Variants in NEB observed in about 807,000 individuals in gnomAD.
NEB encodes the protein nebulin, also known as nemaline myopathy type 2.
In NEB, 512 loss-of-function variants were observed where a neutral mutation model predicts 952.2. That is an observed-to-expected ratio of 0.54 (90% CI 0.50 to 0.58). The LOEUF (loss-of-function observed/expected upper bound fraction) is 0.58. Ranked by LOEUF, NEB falls within the 20% of genes least tolerant of loss-of-function variation. NEB has a pLI of 0.00. For missense variants in NEB, 8,428 were observed against 9,231.1 expected, an observed-to-expected ratio of 0.91 and a Z score of 3.56; for synonymous variants, 2,900 against 3,149.8, an observed-to-expected ratio of 0.92 and a Z score of 2.66.
chr2:151,691,917 G>C lies in NEB; in HGVS notation c.2158C>G (p.Gln720Glu). The C allele has an allele frequency of 6.2e-7, 1 of 1,607,802 alleles. No individual in the cohort carries two copies. Among genetic ancestry groups the C allele is most frequent in the Non-Finnish European group, 8.5e-7 (1 of 1,176,280 alleles). The stretch of plus-strand genomic sequence containing the variant: ...GCTTCATATTCTTGTGTTATTGTCT[G>C]AGGGAAATAGCATTTTCCTTTATCT... Reference protein sequence around the residue: ...EEDKGKCYFPQTITQEYEAIK... With the variant: ...EEDKGKCYFPETITQEYEAIK... The change falls in exon 23 of 182, where the codon CAG becomes GAG. Residue 720 changes from glutamine to glutamate, a missense_variant. This residue lies in a region of NEB where 2,851 missense variants were observed against 2,791.5 expected (regional missense o/e 1.02). Transcript: ENST00000397345.
chr2:151,529,754 C>T (rs1343134269), intron 145 of NEB, among the ~76,000 whole-genome samples: 1 of 152,132 alleles, frequency 6.6e-6, no homozygotes, highest in Non-Finnish European at 1.5e-5. Context: ...GTCTCGAACT[C>T]GTGACCTCAG....
chr2:151,672,785 A>G lies in NEB; in HGVS notation c.3988-105T>C, dbSNP rs80039460. The G allele has an allele frequency of 3.5e-4, 395 of 1,116,092 alleles. 2 individuals are homozygous for G. In the African/African-American group the frequency reaches 5.8e-3, roughly 16 times the overall value. 69.1% of individuals were successfully genotyped at this position (1,116,092 alleles called of 1,614,324 possible). A position where few individuals can be genotyped will look rare whatever the true frequency, so the allele number is the denominator to read the frequency against. ...CTCAGAGCTTTGTGACTTTCTCAAGAGTGTACAAAAAATGCAAACCACAAC... is the reference window on the plus strand; with the variant it reads ...CTCAGAGCTTTGTGACTTTCTCAAGGGTGTACAAAAAATGCAAACCACAAC... On this transcript the variant is annotated intron_variant, in intron 36 of 181. Coordinates refer to ENST00000397345, the MANE Select transcript of NEB (RefSeq NM_001164508.2).
chr2:151,546,642 TC>T (rs2094742192), intron 133 of NEB, among the ~76,000 whole-genome samples, 199 bp from the exon 134 acceptor site: 1 of 148,056 alleles, frequency 6.8e-6, no homozygotes, highest in African/African-American at 2.5e-5. Context: ...GACTGCAACC[TC>T]CGCCTCCCGA....
intron 75 of NEB, 21 bp downstream of exon 75, chr2:151,617,343 C>A (rs899946648): frequency 2.0e-6 from 3 of 1,496,052 alleles, no homozygotes; most frequent in Non-Finnish European, 1.8e-6. Context: ...CTGTTCATTA[C>A]AAGATCAACA....
chr2:151,490,068 T>C lies in NEB; in HGVS notation c.25307A>G (p.His8436Arg). The part of the protein sequence containing the change: ...GVFAVSTAYK[H>R]AKTTELPQQR... ...TTGTGGGAGCTCTGTGGTTTTTGCA[T>C]GTTTGTAAGCTGAAAAAAAGGGGGC... The change falls in exon 181 of 182, where the codon CAT becomes CGT. Residue 8436 changes from histidine (H) to arginine (R), a missense_variant. Around this residue, in one of 11 missense-constraint regions of NEB, gnomAD observed 3,374 missense variants for 3,651.5 expected, o/e 0.92. Transcript: ENST00000397345. 2 of 1,608,758 alleles carry C rather than the reference T, an allele frequency of 1.2e-6. No individual in the cohort carries two copies. Among genetic ancestry groups the C allele is most frequent in the South Asian group, 1.1e-5 (1 of 89,726 alleles).
In NEB at chr2:151,677,764, T is replaced by A. The variant is rs1350245456; in HGVS notation, c.3575A>T (p.Tyr1192Phe). Residue 1192 changes from tyrosine to phenylalanine, a missense_variant, in exon 34 of 182, where the codon TAC becomes TTC. This residue lies in a region of NEB where 2,851 missense variants were observed against 2,791.5 expected (regional missense o/e 1.02). Transcript: ENST00000397345. Reference sequence around the variant, plus strand: ...CATCCAGTTGTTGTAGTCTTCCTTGTAGACGTTCTACAGCAATGGAGAAAA... The same window carrying A: ...CATCCAGTTGTTGTAGTCTTCCTTGAAGACGTTCTACAGCAATGGAGAAAA... ...NMMQIQSDNVYKEDYNNWMKG... is the reference protein window; with the variant it reads ...NMMQIQSDNVFKEDYNNWMKG... 6.2e-7 allele frequency: 1 copy of A among 1,613,860 alleles called. No individual in the cohort carries two copies. Among genetic ancestry groups the A allele is most frequent in the African/African-American group, 1.3e-5 (1 of 74,924 alleles).
intron 60 of NEB, among the ~76,000 whole-genome samples, chr2:151,642,370 G>A (rs1228901707): frequency 6.6e-6 from 1 of 152,174 alleles, no homozygotes; most frequent in Non-Finnish European, 1.5e-5. Context: ...GTTTTGAAAT[G>A]CATGTTGCTA....
intron 5 of NEB, among the ~76,000 whole-genome samples, chr2:151,726,889 T>A (rs2099792795): frequency 1.7e-5 from 2 of 120,732 alleles, no homozygotes; most frequent in South Asian, 4.9e-4. Flanking sequence ...GATCCTACAA[T>A]TTTTTTTTTA....
intron 181 of NEB, among the ~76,000 whole-genome samples, chr2:151,489,107 GA>G (rs2053851383): frequency 6.6e-6 from 1 of 152,080 alleles, no homozygotes; most frequent in African/African-American, 2.4e-5. Flanking sequence ...TTATTTCAGG[GA>G]AAATTAGAAC....
Position 151,489,983 on chromosome 2 carries a change from TGGATG to T in NEB, c.25387_25391del (p.His8463IlefsTer12). 1 of 1,598,278 alleles carries T rather than the reference TGGATG, an allele frequency of 6.3e-7. No individual in the cohort carries two copies. ...GTTATTCACTTACTCCAGCAGTAGA[TGGATG>T]AGATGGGATGGAAGATACCGTTGTC... On this transcript the variant is annotated frameshift_variant, in exon 181 of 182. Coordinates refer to ENST00000397345, the MANE Select transcript of NEB (RefSeq NM_001164508.2). LOFTEE classifies it high-confidence loss of function.
Position 151,493,791 on chromosome 2 carries a change from T to G in NEB, c.24656A>C (p.Gln8219Pro). 1 of 1,579,964 alleles carries G rather than the reference T, an allele frequency of 6.3e-7. No individual in the cohort carries two copies. ...TPEMERVKRN[Q>P]ENFSSVLYKE... ...CTAAAATACCGAGCTAAAGTTTTCTTGATTGCGTTTCACTCTTTCCATCTC... is the reference window on the plus strand; with the variant it reads ...CTAAAATACCGAGCTAAAGTTTTCTGGATTGCGTTTCACTCTTTCCATCTC... Residue 8219 changes from glutamine (Q) to proline (P), a missense_variant, in exon 175 of 182, where the codon CAA (glutamine) becomes CCA (proline). By Grantham distance (76) the Gln-to-Pro change is moderately conservative. This residue lies in a region of NEB where 3,374 missense variants were observed against 3,651.5 expected (regional missense o/e 0.92). Coordinates refer to ENST00000397345, the MANE Select transcript of NEB (RefSeq NM_001164508.2).
intron 143 of NEB, among the ~76,000 whole-genome samples, chr2:151,532,745 AC>A (rs1003908301): frequency 1.2e-5 from 1 of 85,990 alleles, no homozygotes; most frequent in African/African-American, 4.0e-5. Flanking sequence ...AGCTCAATTA[AC>A]TTTTTTTTTT....
In NEB at chr2:151,514,435, C is replaced by T. The variant is rs2076447388; in HGVS notation, c.23017-7G>A. On this transcript the variant is annotated splice_polypyrimidine_tract_variant and splice_region_variant and intron_variant, in intron 158 of 181. Transcript: ENST00000397345. ...GATCTTTCCTGTACTCTTTCTATAT[C>T]ATGAAAGAAAAGCAACAACATTGAC... 3 of 1,582,102 alleles carry T rather than the reference C, an allele frequency of 1.9e-6. No individual in the cohort carries two copies. The highest frequency in any genetic ancestry group is 2.2e-5 in the East Asian group (1 of 44,728).
At chr2:151,505,681 A>G (rs1489178837) in intron 164 of NEB, 111 bp from the exon 165 acceptor site, 1 of 869,968 alleles carries the variant, frequency 1.1e-6, no homozygotes, top group Non-Finnish European at 1.9e-6. Flanking sequence ...TAACAGTGTA[A>G]ATAACGCAGG....
intron 153 of NEB, among the ~76,000 whole-genome samples, chr2:151,520,347 G>A (rs951705961): frequency 2.6e-5 from 4 of 152,128 alleles, no homozygotes; most frequent in African/African-American, 9.7e-5. Context: ...CTTCAAGTGT[G>A]ATTTCAGACT....
In NEB at chr2:151,729,595, A is replaced by C; in HGVS notation, c.78+20T>G. Reference sequence around the variant, plus strand: ...GCTTTAATGAGAATGCAGTTTATGCAGCTGTGGGCTGGGCCTTACCTCTCC... The same window carrying C: ...GCTTTAATGAGAATGCAGTTTATGCCGCTGTGGGCTGGGCCTTACCTCTCC... On this transcript the variant is annotated intron_variant, in intron 4 of 181. Transcript: ENST00000397345. The C allele has an allele frequency of 6.2e-7, 1 of 1,612,412 alleles. No homozygotes were observed. The highest frequency in any genetic ancestry group is 8.5e-7 in the Non-Finnish European group (1 of 1,178,706).
intron 111 of NEB, 25 bp downstream of exon 111, chr2:151,568,593 G>T: frequency 6.4e-7 from 1 of 1,561,158 alleles, no homozygotes; most frequent in Non-Finnish European, 8.8e-7. Context: ...ATCACTGTGA[G>T]ATTTTAAAAC....
chr2:151,642,735 T>C (rs746838787), intron 59 of NEB, 30 bp downstream of exon 59: 29 of 1,604,570 alleles, frequency 1.8e-5, no homozygotes, highest in Non-Finnish European at 2.4e-5. Flanking sequence ...GTAAGGAAAA[T>C]GTATCACGCA....
At chr2:151,651,574 G>A (rs1168160312) in intron 52 of NEB, among the ~76,000 whole-genome samples, 1 of 152,082 alleles carries the variant, frequency 6.6e-6, no homozygotes, top group Non-Finnish European at 1.5e-5. Context: ...AAATTCCACA[G>A]GAGCTCAACA....
Sources: allele counts gnomAD v4.1 joint callset (sites outside exome capture counted in the v4.1 genomes callset), GRCh38; gene constraint gnomAD v4.1.1; regional missense constraint gnomAD v4.1.1; transcripts MANE v1.5; gene names NCBI Gene and HGNC (gene_info 2026-07-23, HGNC 2026-07-21).